Variants in GRIK4 observed in about 807,000 individuals in gnomAD.
GRIK4 encodes the protein glutamate ionotropic receptor kainate type subunit 4, also known as glutamate receptor ionotropic, kainate 4.
Under a neutral mutation model 104.9 loss-of-function variants are expected in GRIK4, and 40 were observed. The ratio of observed to expected loss-of-function variants is 0.38; its 90% CI spans 0.30 to 0.50. The LOEUF is 0.50. GRIK4 is among the 20% of genes least tolerant of loss of function. The pLI, the probability that GRIK4 is intolerant of heterozygous loss-of-function variation, is 0.93. For missense variants in GRIK4, 1,047 were observed against 1,308.1 expected (o/e 0.80, Z 3.08); for synonymous variants, 485 against 524.9 (o/e 0.92, Z 1.04).
At chr11:120,859,181 A>G (rs1954195553) in intron 8 of GRIK4, 1 of 152,108 alleles carries the variant, frequency 6.6e-6, no homozygotes, top group African/African-American at 2.4e-5. Context: ...GTGGAACTGA[A>G]GAGGCAGAAA....
intron 3 of GRIK4, among the ~76,000 whole-genome samples, chr11:120,765,011 A>C (rs1951809025): frequency 6.6e-6 from 1 of 152,080 alleles, no homozygotes; most frequent in Admixed American, 6.5e-5. Context: ...ATGTCTTGCT[A>C]TGTTGGGGAA....
At chr11:120,817,505 T>C (rs976110277) in intron 5 of GRIK4, among the ~76,000 whole-genome samples, 3 of 151,658 alleles carry the variant, frequency 2.0e-5, no homozygotes, top group African/African-American at 7.3e-5. Context: ...GGAAAAGCAA[T>C]GGAGTTCTCA....
At chr11:120,706,239 A>T (rs1279419631) in intron 3 of GRIK4, among the ~76,000 whole-genome samples, 1 of 152,142 alleles carries the variant, frequency 6.6e-6, no homozygotes, top group Non-Finnish European at 1.5e-5. Context: ...TCTGCCTGTA[A>T]TTCTTTCTAA....
chr11:120,626,072 A>T (rs1949254914), intron 1 of GRIK4, among the ~76,000 whole-genome samples: 1 of 152,228 alleles, frequency 6.6e-6, no homozygotes, highest in Non-Finnish European at 1.5e-5. Flanking sequence ...GGAAGACTTT[A>T]ATTATTTCAG....
At chr11:120,710,970 C>G (rs529661986) in intron 3 of GRIK4, among the ~76,000 whole-genome samples, 2 of 150,844 alleles carry the variant, frequency 1.3e-5, no homozygotes, top group East Asian at 1.9e-4. Context: ...CCAGGCGGCC[C>G]GGCCAGCCTC....
At chr11:120,611,517 G>A (rs1565573013) in intron 1 of GRIK4, among the ~76,000 whole-genome samples, 2 of 152,176 alleles carry the variant, frequency 1.3e-5, no homozygotes, top group South Asian at 4.1e-4. Flanking sequence ...TGATAATGGT[G>A]TATCATAATT....
At chr11:120,911,307 C>T (rs562684520) in intron 13 of GRIK4, among the ~76,000 whole-genome samples, 56 of 148,932 alleles carry the variant, frequency 3.8e-4, no homozygotes, top group African/African-American at 6.4e-4. Flanking sequence ...GGCGCGATCT[C>T]GACTCACTGC....
chr11:120,979,118 C>T (rs1944609316), intron 19 of GRIK4, among the ~76,000 whole-genome samples: 1 of 152,048 alleles, frequency 6.6e-6, no homozygotes, highest in South Asian at 2.1e-4. Flanking sequence ...TTTTGAGTGT[C>T]CAAATTATGT....
chr11:120,713,349 G>A (rs575849679), intron 3 of GRIK4, among the ~76,000 whole-genome samples: 1 of 152,274 alleles, frequency 6.6e-6, no homozygotes, highest in South Asian at 2.1e-4. Context: ...GATTTTATCA[G>A]CATGCTCTGT....
intron 3 of GRIK4, among the ~76,000 whole-genome samples, chr11:120,741,768 A>G (rs2135409300): frequency 6.6e-6 from 1 of 152,346 alleles, no homozygotes; most frequent in East Asian, 1.9e-4. Flanking sequence ...GCATACATGC[A>G]CAGGCAAGCA....
At chr11:120,777,949 GA>G (rs1057339020) in intron 3 of GRIK4, among the ~76,000 whole-genome samples, 61 of 135,432 alleles carry the variant, frequency 4.5e-4, no homozygotes, top group East Asian at 2.8e-3. Flanking sequence ...AAAAAAAAAA[GA>G]AAAAAAAAAA....
intron 3 of GRIK4, among the ~76,000 whole-genome samples, chr11:120,795,956 T>C (rs920057277): frequency 7.2e-5 from 11 of 152,206 alleles, no homozygotes; most frequent in African/African-American, 2.4e-4. Flanking sequence ...ATAAGTGTTA[T>C]GCAAATAGTT....
At chr11:120,557,880 C>CGGTGGCG (rs1948202499) in intron 1 of GRIK4, among the ~76,000 whole-genome samples, 1 of 151,838 alleles carries the variant, frequency 6.6e-6, no homozygotes, top group Admixed American at 6.6e-5. Flanking sequence ...TAGCTGGGCG[C>CGGTGGCG]GGTGGCGGGC....
rs1948176557 is a variant in GRIK4 at position 120,555,272 on chromosome 11, T to C, written c.-159+43385T>C. Among the ~76,000 whole-genome samples the C allele has an allele frequency of 6.6e-6, 1 of 152,146 alleles. No homozygotes were observed. On this transcript the variant is annotated intron_variant, in intron 1 of 20. Transcript: ENST00000527524. This position sits in a 1 kb window ranked among gnomAD's most constrained non-coding sequence, Gnocchi z 5.3. ...GCAAAACCCAGCAAGTGGCTTCCTG[T>C]TTATGCATTAGGTCTGGGAGCTCTC...
chr11:120,801,875 C>T (rs1022960118), intron 3 of GRIK4, among the ~76,000 whole-genome samples: 13 of 152,150 alleles, frequency 8.5e-5, no homozygotes, highest in Admixed American at 7.9e-4. Flanking sequence ...TCCTTAAAAG[C>T]GAGGCAACTG....
At chr11:120,943,866 T>C (rs1477782742) in intron 14 of GRIK4, among the ~76,000 whole-genome samples, 1 of 152,252 alleles carries the variant, frequency 6.6e-6, no homozygotes, top group East Asian at 1.9e-4. Flanking sequence ...TAGTGGCAAG[T>C]ATGCCTCTGA....
chr11:120,827,386 A>G (rs764566208), intron 6 of GRIK4, among the ~76,000 whole-genome samples: 1 of 152,164 alleles, frequency 6.6e-6, no homozygotes, highest in African/African-American at 2.4e-5. Flanking sequence ...GTCCCGCTGC[A>G]TCCTGAGCAA....
At chr11:120,843,727 G>A (rs147944319) in intron 8 of GRIK4, among the ~76,000 whole-genome samples, 45 of 152,160 alleles carry the variant, frequency 3.0e-4, no homozygotes, top group African/African-American at 1.0e-3. Context: ...AAATTGTGAG[G>A]TTGTATTAGG....
At position 120,627,906 on chromosome 11, in the gene GRIK4, CAT is replaced by C. The variant is rs1476511641; in HGVS notation, c.-158-25778_-158-25777del. 2.0e-5 allele frequency among the ~76,000 whole-genome samples: 3 copies of C among 152,250 alleles called. No individual in the cohort carries two copies. The East Asian group carries it at 5.8e-4, about 29-fold the overall frequency. ...AAACTTCAGAGTGAACTTCTGAACTCATGTCACGGTGCTGCTAGCAATTTGCT... is the reference window on the plus strand; with the variant it reads ...AAACTTCAGAGTGAACTTCTGAACTCGTCACGGTGCTGCTAGCAATTTGCT... On this transcript the variant is annotated intron_variant, in intron 1 of 20. Coordinates refer to ENST00000527524, the MANE Select transcript of GRIK4 (RefSeq NM_014619.5).
Sources: gnomAD v4.1 joint callset for allele counts (sites outside exome capture counted in the v4.1 genomes callset) on GRCh38, gnomAD v4.1.1 for gene constraint, Gnocchi (gnomAD v3.1) non-coding constraint, MANE v1.5 for transcripts, NCBI Gene and HGNC (gene_info 2026-07-23, HGNC 2026-07-21) for gene names.